The following SH3BGR variants were observed in gnomAD, a reference collection of about 807,000 sequenced individuals.
SH3BGR encodes SH3 domain binding glutamate rich protein.
Under a neutral mutation model 24.5 loss-of-function variants are expected in SH3BGR, and 29 were observed. The ratio of observed to expected loss-of-function variants is 1.18; its 90% CI spans 0.88 to 1.61. The LOEUF is 1.61. Ranked by LOEUF, SH3BGR falls within the 40% of genes most tolerant of loss-of-function variation. The pLI is 0.00. For synonymous variants in SH3BGR, 55 were observed against 65.7 expected (o/e 0.84, Z 0.79); for missense variants, 162 against 205.8 (o/e 0.79, Z 1.30).
intron 4 of SH3BGR, among the ~76,000 whole-genome samples, chr21:39,503,133 C>T (rs2078524582): frequency 6.6e-6 from 1 of 152,140 alleles, no homozygotes; most frequent in Non-Finnish European, 1.5e-5. Flanking sequence ...CTTACTCTGA[C>T]CCCTCTACCC....
rs1301394861 is a variant in SH3BGR at position 39,461,830 on chromosome 21, ATAAT to A, written c.46-534_46-531del. 4.6e-5 allele frequency among the ~76,000 whole-genome samples: 7 copies of A among 152,198 alleles called. No individual in the cohort carries two copies. In the South Asian group the frequency reaches 1.0e-3, roughly 23 times the overall value. On this transcript the variant is annotated intron_variant, in intron 1 of 6. Transcript: ENST00000333634. ...TTTAGTTTTAACAGTTGATTATACA[ATAAT>A]TAATTAATTATTTTATTTATTTATA...
At chr21:39,497,069 C>T (rs1257544073) in intron 3 of SH3BGR, among the ~76,000 whole-genome samples, 1 of 151,582 alleles carries the variant, frequency 6.6e-6, no homozygotes, top group East Asian at 1.9e-4. Context: ...AATATGTCCT[C>T]TAAGCTACAG....
intron 3 of SH3BGR, among the ~76,000 whole-genome samples, chr21:39,490,782 G>A (rs1169087556): frequency 6.7e-6 from 1 of 149,786 alleles, no homozygotes; most frequent in African/African-American, 2.5e-5. Context: ...TGTCTGGAGT[G>A]CGGTGGCATG....
intron 6 of SH3BGR, among the ~76,000 whole-genome samples, chr21:39,513,979 A>C (rs1282800857): frequency 6.6e-6 from 1 of 152,204 alleles, no homozygotes; most frequent in Non-Finnish European, 1.5e-5. Context: ...TTTCCAAAAA[A>C]GAAAGAAAAA....
At chr21:39,467,903 C>T (rs1264047406) in intron 2 of SH3BGR, among the ~76,000 whole-genome samples, 3 of 152,230 alleles carry the variant, frequency 2.0e-5, no homozygotes, top group African/African-American at 7.2e-5. Flanking sequence ...GGGCAGACAA[C>T]TGTTAGATTG....
At chr21:39,484,401 G>A (rs1341714584) in intron 3 of SH3BGR, among the ~76,000 whole-genome samples, 1 of 152,028 alleles carries the variant, frequency 6.6e-6, no homozygotes, top group African/African-American at 2.4e-5. Context: ...AATGTAAATG[G>A]GACAGGTTTG....
chr21:39,472,068 T>A (rs1227682705), intron 2 of SH3BGR, among the ~76,000 whole-genome samples: 3 of 152,248 alleles, frequency 2.0e-5, no homozygotes, highest in Non-Finnish European at 4.4e-5. Context: ...CTATGTTTTC[T>A]TTTTATTCCC....
chr21:39,471,719 C>T (rs1314516763), intron 2 of SH3BGR, among the ~76,000 whole-genome samples: 1 of 152,188 alleles, frequency 6.6e-6, no homozygotes, highest in African/African-American at 2.4e-5. Flanking sequence ...TTCTCTGACT[C>T]TTAAAGTGCT....
At chr21:39,486,197 C>T (rs1182265235) in intron 3 of SH3BGR, among the ~76,000 whole-genome samples, 1 of 152,024 alleles carries the variant, frequency 6.6e-6, no homozygotes, top group African/African-American at 2.4e-5. Context: ...AAAATGGGTG[C>T]CATTTATTCA....
At chr21:39,467,831 C>G (rs979928304) in intron 2 of SH3BGR, among the ~76,000 whole-genome samples, 1 of 152,104 alleles carries the variant, frequency 6.6e-6, no homozygotes, top group Non-Finnish European at 1.5e-5. Context: ...CCTTCCTGCC[C>G]CTGCCAGTTT....
intron 3 of SH3BGR, among the ~76,000 whole-genome samples, chr21:39,485,355 C>T (rs1053907805): frequency 3.9e-5 from 6 of 152,066 alleles, no homozygotes; most frequent in African/African-American, 9.7e-5. Flanking sequence ...CCAGAGGAAT[C>T]GGGCAGGGAG....
intron 5 of SH3BGR, among the ~76,000 whole-genome samples, chr21:39,510,119 T>G (rs1471030135): frequency 6.9e-6 from 1 of 144,726 alleles, no homozygotes; most frequent in Non-Finnish European, 1.5e-5. Flanking sequence ...ATTTTTTGTA[T>G]TTTTAGTAGA....
chr21:39,449,762 A>C (rs1043463093), upstream of SH3BGR, among the ~76,000 whole-genome samples: 3 of 152,196 alleles, frequency 2.0e-5, no homozygotes, highest in Non-Finnish European at 4.4e-5. Flanking sequence ...GCCATTTCCT[A>C]TTCCCATCAT....
At chr21:39,454,650 T>C (rs780445778) in intron 1 of SH3BGR, among the ~76,000 whole-genome samples, 3 of 152,206 alleles carry the variant, frequency 2.0e-5, no homozygotes, top group Non-Finnish European at 4.4e-5. Flanking sequence ...CAGACCCTCA[T>C]AGTGGCTCTT....
At chr21:39,486,830 G>C (rs13050145) in intron 3 of SH3BGR, among the ~76,000 whole-genome samples, 85,983 of 151,884 alleles carry the variant, frequency 0.57, 24,656 homozygotes, top group East Asian at 0.68. Context: ...ACTTTCCTGC[G>C]TCAGCCTCCC....
At chr21:39,485,113 T>C (rs566784310) in intron 3 of SH3BGR, among the ~76,000 whole-genome samples, 1 of 152,330 alleles carries the variant, frequency 6.6e-6, no homozygotes, top group African/African-American at 2.4e-5. Flanking sequence ...TAAGCATTGG[T>C]TCCATAAAGT....
upstream of SH3BGR, among the ~76,000 whole-genome samples, chr21:39,450,481 C>G (rs2077561055): frequency 6.6e-6 from 1 of 152,138 alleles, no homozygotes; most frequent in Non-Finnish European, 1.5e-5. Context: ...AAACATGCCT[C>G]TGGGGCTCTG....
chr21:39,475,284 C>G (rs62222761), intron 3 of SH3BGR, 69 bp downstream of exon 3: 5 of 928,580 alleles, frequency 5.4e-6, no homozygotes, highest in East Asian at 4.8e-5. Context: ...ATCACCGCAT[C>G]CAAGACTGTT....
intron 3 of SH3BGR, among the ~76,000 whole-genome samples, chr21:39,480,818 A>G (rs1298054389): frequency 1.3e-5 from 2 of 152,182 alleles, no homozygotes; most frequent in South Asian, 2.1e-4. Flanking sequence ...ACATTTGCAA[A>G]AAGTCCCTTA....
Sources: allele counts gnomAD v4.1 joint callset (sites outside exome capture counted in the v4.1 genomes callset), GRCh38; gene constraint gnomAD v4.1.1; transcripts MANE v1.5; gene names NCBI Gene and HGNC (gene_info 2026-07-23, HGNC 2026-07-21).